The following APOC4 variants were observed in gnomAD, a reference collection of about 807,000 sequenced individuals.
APOC4 encodes the protein apolipoprotein C-IV.
APOC4 carries 10 observed loss-of-function variants against 8.4 expected under a neutral mutation model. That is an observed-to-expected ratio of 1.19 (90% CI 0.74 to 2.03). The LOEUF (loss-of-function observed/expected upper bound fraction) is 2.03, where lower values mean the gene tolerates loss of function less well. Among genes scored for constraint, APOC4 ranks in the 30% most tolerant of loss-of-function variants. APOC4 has a pLI of 0.00. For missense variants in APOC4, 160 were observed against 156.1 expected, an observed-to-expected ratio of 1.02 and a Z score of -0.13; for synonymous variants, 59 against 65.8, an observed-to-expected ratio of 0.90 and a Z score of 0.50.
At chr19:44,943,838 C>T (rs775530121) in intron 1 of APOC4, among the ~76,000 whole-genome samples, 1 of 152,188 alleles carries the variant, frequency 6.6e-6, no homozygotes, top group Admixed American at 6.5e-5. Context: ...GATATTATTA[C>T]CCCGTTCTAC....
In APOC4 at chr19:44,942,349, T is replaced by C; in HGVS notation, c.72T>C (p.Ile24=). The change falls in exon 1 of 3, where the codon ATT becomes ATC. Residue 24 remains isoleucine, a synonymous_variant. Transcript: ENST00000592954. ...LCLCVLVLAC[I]GACQPEAQEG... ...TCTGCGTGCTGGTCCTGGCCTGCAT[T>C]GGGGGTGAGAAGAAGTGGGTGGAGG... The C allele has an allele frequency of 6.2e-7, 1 of 1,613,216 alleles. No homozygotes were observed. The highest frequency in any genetic ancestry group is 1.1e-5 in the South Asian group (1 of 90,912).
rs951744180 is a variant in APOC4 at position 44,942,264 on chromosome 19, C to G, written c.-14C>G. ...AGTTGAGCACAGAGGGACAGAGGCA[C>G]GGAACCCCCAGAAATGTCCCTCCTC... On this transcript the variant is annotated 5_prime_UTR_variant, in exon 1 of 3. Coordinates refer to ENST00000592954, the MANE Select transcript of APOC4 (RefSeq NM_001646.3). 6.2e-7 allele frequency: 1 copy of G among 1,604,758 alleles called. No individual in the cohort carries two copies. Among genetic ancestry groups the G allele is most frequent in the Non-Finnish European group, 8.5e-7 (1 of 1,175,602 alleles).
rs747564547 is a variant in APOC4, at chr19:44,944,876, G to A, written c.204G>A (p.Gly68=). 1.0e-5 allele frequency: 16 copies of A among 1,606,016 alleles called. No individual in the cohort carries two copies. Among genetic ancestry groups the A allele is most frequent in the African/African-American group, 2.7e-5 (2 of 74,880 alleles). The change falls in exon 2 of 3, where the codon GGG becomes GGA. Residue 68 remains glycine, a synonymous_variant. Transcript: ENST00000592954. ...CAGTGGTGAACAGGACCAGAGACGGGTGGCAATGGTTCTGGTGAGGGTGTG... is the reference window on the plus strand; with the variant it reads ...CAGTGGTGAACAGGACCAGAGACGGATGGCAATGGTTCTGGTGAGGGTGTG... The part of the protein sequence containing the change: ...LETVVNRTRD[G]WQWFWSPSTF...
At chr19:44,943,014 C>T (rs12721111) in intron 1 of APOC4, among the ~76,000 whole-genome samples, 47,795 of 151,748 alleles carry the variant, frequency 0.31, 7,947 homozygotes, top group East Asian at 0.51. Flanking sequence ...GTCCGCCTCC[C>T]GGGTTCACGC....
intron 1 of APOC4, among the ~76,000 whole-genome samples, chr19:44,942,633 A>T (rs985449435): frequency 2.6e-5 from 4 of 151,508 alleles, no homozygotes; most frequent in Non-Finnish European, 5.9e-5. Context: ...CTGTGTGCAT[A>T]TGTGTATTTG....
Position 44,942,276 on chromosome 19 carries a change from A to C in APOC4, c.-2A>C, listed in dbSNP as rs763137778. The C allele has an allele frequency of 1.9e-6, 3 of 1,610,332 alleles. No homozygotes were observed. The highest frequency in any genetic ancestry group is 2.5e-6 in the Non-Finnish European group (3 of 1,178,238). On this transcript the variant is annotated 5_prime_UTR_variant, in exon 1 of 3. Transcript: ENST00000592954. ...AGGGACAGAGGCACGGAACCCCCAGAAATGTCCCTCCTCAGAAACAGGCTC... is the reference window on the plus strand; with the variant it reads ...AGGGACAGAGGCACGGAACCCCCAGCAATGTCCCTCCTCAGAAACAGGCTC...
intron 1 of APOC4, among the ~76,000 whole-genome samples, chr19:44,944,081 A>T (rs1335369186): frequency 2.0e-5 from 3 of 152,144 alleles, no homozygotes; most frequent in Non-Finnish European, 4.4e-5. Context: ...GGTAGCTCAG[A>T]CAGGGTGGGG....
intron 1 of APOC4, 145 bp downstream of exon 1, chr19:44,942,498 AGTGT>A (rs1007102144): frequency 1.6e-5 from 11 of 705,216 alleles, no homozygotes; most frequent in Admixed American, 9.3e-5. Context: ...CGTGTCGGGG[AGTGT>A]GTGTGTCGGT....
chr19:44,945,254 G>A lies in APOC4; in HGVS notation c.333G>A (p.Lys111=), dbSNP rs1970305669. Residue 111 remains lysine (K), a synonymous_variant, in exon 3 of 3, where the codon AAG becomes AAA. Transcript: ENST00000592954. ...AATCCAAAGACAGCCTCTTGAAGAA[G>A]ACCCACAGCCTGTGCCCCAGGCTTG... ...FLESKDSLLK[K]THSLCPRLVC... 1 of 1,613,928 alleles carries A rather than the reference G, an allele frequency of 6.2e-7. No homozygotes were observed. The highest frequency in any genetic ancestry group is 1.1e-5 in the South Asian group (1 of 91,084).
intron 1 of APOC4, among the ~76,000 whole-genome samples, chr19:44,942,574 G>A (rs369486748): frequency 3.9e-5 from 6 of 152,082 alleles, no homozygotes; most frequent in Middle Eastern, 3.4e-3. Flanking sequence ...GTGTGTGCAC[G>A]TGCGTGCGTG....
intron 1 of APOC4, among the ~76,000 whole-genome samples, chr19:44,943,362 C>T (rs1410221025): frequency 2.6e-5 from 4 of 151,756 alleles, no homozygotes; most frequent in Non-Finnish European, 4.4e-5. Flanking sequence ...AGCCACCACG[C>T]CCGGCCATGT....
In APOC4 at chr19:44,945,245, C is replaced by T. The variant is rs1970305510; in HGVS notation, c.324C>T (p.Leu108=). The T allele has an allele frequency of 6.2e-7, 1 of 1,614,064 alleles. No individual in the cohort carries two copies. The highest frequency in any genetic ancestry group is 8.5e-7 in the Non-Finnish European group (1 of 1,180,006). The change falls in exon 3 of 3, where the codon CTC becomes CTT. Residue 108 remains leucine (L), a synonymous_variant. Transcript: ENST00000592954. The part of the protein sequence containing the change: ...KAWFLESKDS[L]LKKTHSLCPR... ...GGTTCCTCGAATCCAAAGACAGCCT[C>T]TTGAAGAAGACCCACAGCCTGTGCC...
Position 44,945,241 on chromosome 19 carries a change from G to T in APOC4, c.320G>T (p.Ser107Ile). Residue 107 changes from serine to isoleucine, a missense_variant, in exon 3 of 3, where the codon AGC becomes ATC. Physicochemically the swap from Ser to Ile is moderately radical, Grantham distance 142 (BLOSUM62 -2). Transcript: ENST00000592954. The stretch of plus-strand genomic sequence containing the variant: ...GCCTGGTTCCTCGAATCCAAAGACA[G>T]CCTCTTGAAGAAGACCCACAGCCTG... ...TKAWFLESKD[S>I]LLKKTHSLCP... The T allele has an allele frequency of 6.2e-7, 1 of 1,614,056 alleles. No individual in the cohort carries two copies. Among genetic ancestry groups the T allele is most frequent in the Non-Finnish European group, 8.5e-7 (1 of 1,180,002 alleles).
chr19:44,944,667 G>A (rs1195970661), intron 1 of APOC4, 82 bp from the exon 2 acceptor site: 50 of 1,483,884 alleles, frequency 3.4e-5, no homozygotes, highest in Non-Finnish European at 2.4e-5. Flanking sequence ...CACCGGGAGC[G>A]ACACAGGATG....
rs746044444 is a variant in APOC4 at position 44,945,218 on chromosome 19, C to T, written c.297C>T (p.Ala99=). 6.2e-7 allele frequency: 1 copy of T among 1,613,986 alleles called. No individual in the cohort carries two copies. Among genetic ancestry groups the T allele is most frequent in the East Asian group, 2.2e-5 (1 of 44,882 alleles). Residue 99 remains alanine, a synonymous_variant, in exon 3 of 3, where the codon GCC becomes GCT. Transcript: ENST00000592954. The part of the protein sequence containing the change: ...HLRDLGPLTK[A]WFLESKDSLL... ...GGGACCTGGGTCCGCTCACCAAGGC[C>T]TGGTTCCTCGAATCCAAAGACAGCC...
rs781728790 is a variant in APOC4, at chr19:44,945,143, C to T, written c.222C>T (p.Ser74=). 3.7e-6 allele frequency: 6 copies of T among 1,613,536 alleles called. No homozygotes were observed. In the South Asian group the frequency reaches 6.6e-5, roughly 18 times the overall value. The stretch of plus-strand genomic sequence containing the variant: ...TGTGATGTCCTCTCTCCTGTAGGAG[C>T]CCGAGCACCTTCCGGGGCTTCATGC... The part of the protein sequence containing the change: ...RTRDGWQWFW[S]PSTFRGFMQT... The change falls in exon 3 of 3, where the codon AGC becomes AGT. Residue 74 remains serine, a synonymous_variant. Transcript: ENST00000592954.
Position 44,945,444 on chromosome 19 carries a change from C to CA in APOC4, c.*144dup. The CA allele has an allele frequency of 1.3e-6, 1 of 773,212 alleles. No homozygotes were observed. The highest frequency in any genetic ancestry group is 2.1e-5 in the South Asian group (1 of 48,212). 47.9% of individuals were successfully genotyped at this position (773,212 alleles called of 1,614,324 possible). ...ACAGCGAGATCTCTTGGGGGTAAAA[C>CA]AAAAAGAAAAAAAAAAGTTCATACT... On this transcript the variant is annotated 3_prime_UTR_variant, in exon 3 of 3. Transcript: ENST00000592954.
At chr19:44,943,393 C>A (rs937061173) in intron 1 of APOC4, among the ~76,000 whole-genome samples, 43 of 150,104 alleles carry the variant, frequency 2.9e-4, no homozygotes, top group Non-Finnish European at 1.6e-4. Flanking sequence ...AAAATGGGAT[C>A]ATATTCTAGA....
intron 1 of APOC4, among the ~76,000 whole-genome samples, chr19:44,944,207 C>G (rs749577270): frequency 3.3e-5 from 5 of 152,090 alleles, no homozygotes; most frequent in Non-Finnish European, 7.4e-5. Context: ...CACAGGCAGA[C>G]AGGGTGACAG....
Sources: allele counts gnomAD v4.1 joint callset (sites outside exome capture counted in the v4.1 genomes callset), GRCh38; gene constraint gnomAD v4.1.1; transcripts MANE v1.5; gene names NCBI Gene and HGNC (gene_info 2026-07-23, HGNC 2026-07-21).